DIXDC1: variants seen among roughly 807,000 people sequenced by gnomAD.
DIXDC1 encodes DIX domain containing 1.
DIXDC1 carries 64 observed loss-of-function variants against 103.1 expected under a neutral mutation model. The ratio of observed to expected loss-of-function variants is 0.62; its 90% CI spans 0.51 to 0.76. The LOEUF is 0.76. Ranked by LOEUF, DIXDC1 falls within the 30% of genes least tolerant of loss-of-function variation. The probability of loss-of-function intolerance (pLI) is 0.00; values close to 1 mark genes in which losing one functional copy is unlikely to be tolerated. For missense variants in DIXDC1, 759 were observed against 834.2 expected, an observed-to-expected ratio of 0.91 and a Z score of 1.11; for synonymous variants, 266 against 298.5, an observed-to-expected ratio of 0.89 and a Z score of 1.12.
At chr11:111,975,386 T>C (rs1311948933) in intron 5 of DIXDC1, 1 of 1,036,968 alleles carries the variant, frequency 9.6e-7, no homozygotes. Flanking sequence ...GTAAAGCTCA[T>C]AGAAGAGAAG....
At position 111,954,509 on chromosome 11, in the gene DIXDC1, A is replaced by G. The variant is rs148262376; in HGVS notation, c.61-10040A>G. Reference sequence around the variant, plus strand: ...TACATAACATTACATTGTATTAGCTATTACAAGTAATCTAGAGATGATTTA... The same window carrying G: ...TACATAACATTACATTGTATTAGCTGTTACAAGTAATCTAGAGATGATTTA... On this transcript the variant is annotated intron_variant, in intron 1 of 19. Transcript: ENST00000440460. Among the ~76,000 whole-genome samples, 549 of 152,338 alleles carry G rather than the reference A, an allele frequency of 3.6e-3. 1 individual carries two copies. Among genetic ancestry groups the G allele is most frequent in the Non-Finnish European group, 6.7e-3 (456 of 68,032 alleles).
At chr11:111,986,817 GC>G in intron 8 of DIXDC1, 53 bp from the exon 9 acceptor site, 1 of 1,493,252 alleles carries the variant, frequency 6.7e-7, no homozygotes, top group Non-Finnish European at 9.1e-7. Context: ...TGAATGAGTG[GC>G]TCTGTACTTC....
At chr11:112,002,706 T>C (rs1318432498) in intron 17 of DIXDC1, among the ~76,000 whole-genome samples, 1 of 152,144 alleles carries the variant, frequency 6.6e-6, no homozygotes, top group Admixed American at 6.6e-5. Flanking sequence ...AAGGACAGCT[T>C]TAGCCTGGGA....
chr11:111,952,021 A>G (rs1442383757), intron 1 of DIXDC1, among the ~76,000 whole-genome samples: 3 of 152,044 alleles, frequency 2.0e-5, no homozygotes, highest in East Asian at 1.9e-4. Flanking sequence ...GTGTGCCACC[A>G]CACCTGGCTA....
Position 111,951,511 on chromosome 11 carries a change from C to CA in DIXDC1, c.61-13029dup, listed in dbSNP as rs1198481465. On this transcript the variant is annotated intron_variant, in intron 1 of 19. Transcript: ENST00000440460. ...ATATCTAAACATTATAGAGATGGTG[C>CA]AAAAAAAAACTACAGACTAATATTA... Among the ~76,000 whole-genome samples, 42 of 150,490 alleles carry CA rather than the reference C, an allele frequency of 2.8e-4. 1 individual carries two copies. Among genetic ancestry groups the CA allele is most frequent in the South Asian group, 1.1e-3 (5 of 4,756 alleles).
chr11:111,939,928 A>C (rs1207566486), intron 1 of DIXDC1, among the ~76,000 whole-genome samples: 5 of 152,230 alleles, frequency 3.3e-5, no homozygotes, highest in African/African-American at 1.2e-4. Context: ...GAGTCTACAA[A>C]TACCACACAT....
In DIXDC1 at chr11:111,976,571, A is replaced by T. The variant is rs1242381967; in HGVS notation, c.656+1588A>T. ...GGGAAGGAGAGGGCTTCTTGTGGCT[A>T]TCTGGAACCCAGCAGGTTCCCGCAC... On this transcript the variant is annotated intron_variant, in intron 5 of 19. Transcript: ENST00000440460. The surrounding 1 kb of genome is among the most constrained non-coding windows in gnomAD (Gnocchi z 4.3). 1.3e-5 allele frequency among the ~76,000 whole-genome samples: 2 copies of T among 152,092 alleles called. No homozygotes were observed. The highest frequency in any genetic ancestry group is 2.9e-5 in the Non-Finnish European group (2 of 68,024).
rs1410411236 is a variant in DIXDC1 at position 111,998,484 on chromosome 11, A to G, written c.1756+2338A>G. On this transcript the variant is annotated intron_variant, in intron 17 of 19. Transcript: ENST00000440460. The surrounding 1 kb of genome is among the most constrained non-coding windows in gnomAD (Gnocchi z 4.1). ...GCTTTAACTACACTTGTGTGCCGATAATTTTTATGTTTTATCTCAAATCTC... is the reference window on the plus strand; with the variant it reads ...GCTTTAACTACACTTGTGTGCCGATGATTTTTATGTTTTATCTCAAATCTC... Among the ~76,000 whole-genome samples the G allele has an allele frequency of 5.9e-5, 9 of 152,114 alleles. No homozygotes were observed. Among genetic ancestry groups the G allele is most frequent in the Admixed American group, 3.3e-4 (5 of 15,262 alleles).
rs782803807 is a variant in DIXDC1 at position 111,995,547 on chromosome 11, A to G, written c.1672A>G (p.Lys558Glu). The G allele has an allele frequency of 3.1e-6, 5 of 1,613,900 alleles. No individual in the cohort carries two copies. The highest frequency in any genetic ancestry group is 3.4e-6 in the Non-Finnish European group (4 of 1,179,918). Residue 558 changes from lysine to glutamate, a missense_variant, in exon 16 of 20, where the codon AAG becomes GAG. Coordinates refer to ENST00000440460, the MANE Select transcript of DIXDC1 (RefSeq NM_001037954.4). ...GCGCCTGCATGTTATGGAGACGCAG[A>G]AGAAACAAGAAAGAAAGGTAACCCT... ...MERLHVMETQ[K>E]KQERKVRVKS...
At chr11:111,954,404 G>A (rs587774509) in intron 1 of DIXDC1, among the ~76,000 whole-genome samples, 274 of 152,308 alleles carry the variant, frequency 1.8e-3, no homozygotes, top group African/African-American at 6.4e-3. Context: ...AAATACAGAT[G>A]AAGCTTCACT....
chr11:111,957,750 A>G (rs1859436414), intron 1 of DIXDC1, among the ~76,000 whole-genome samples: 1 of 152,240 alleles, frequency 6.6e-6, no homozygotes, highest in Non-Finnish European at 1.5e-5. Context: ...AGCCTAGTGC[A>G]CTGTGAGATC....
chr11:111,928,576 C>T (rs1555167336), intron 1 of DIXDC1: 1 of 150,524 alleles, frequency 6.6e-6, no homozygotes, highest in African/African-American at 2.4e-5. Flanking sequence ...GCATGCCCAA[C>T]ATGGCGAAAC....
chr11:111,940,410 C>T (rs900758366), intron 1 of DIXDC1, among the ~76,000 whole-genome samples: 16 of 152,164 alleles, frequency 1.1e-4, no homozygotes, highest in African/African-American at 3.4e-4. Flanking sequence ...GCCAGGCTTC[C>T]TATAGATCAC....
At chr11:111,930,984 G>C (rs1436986526) in intron 2 of DIXDC1, among the ~76,000 whole-genome samples, 1 of 151,122 alleles carries the variant, frequency 6.6e-6, no homozygotes, top group Non-Finnish European at 1.5e-5. Flanking sequence ...CTCCCGAGCA[G>C]CTGGGATTAC....
intron 9 of DIXDC1, among the ~76,000 whole-genome samples, chr11:111,988,032 C>T (rs1555174077): frequency 6.6e-6 from 1 of 151,980 alleles, no homozygotes; most frequent in Non-Finnish European, 1.5e-5. Flanking sequence ...CAGAGTCTCA[C>T]TCTGTCACCC....
chr11:111,956,563 C>T (rs1859372364), intron 1 of DIXDC1, among the ~76,000 whole-genome samples: 1 of 152,134 alleles, frequency 6.6e-6, no homozygotes, highest in African/African-American at 2.4e-5. Context: ...AGTTTTGGCT[C>T]ACTACAACCT....
intron 17 of DIXDC1, among the ~76,000 whole-genome samples, chr11:112,011,712 C>T (rs898239327): frequency 2.6e-5 from 4 of 151,692 alleles, no homozygotes; most frequent in African/African-American, 9.7e-5. Context: ...GACCAAAAAC[C>T]AAACACCGCA....
rs901505795 is a variant in DIXDC1, at chr11:112,022,275, A to G, written c.*3239A>G. 1.3e-5 allele frequency: 2 copies of G among 152,206 alleles called. No individual in the cohort carries two copies. The highest frequency in any genetic ancestry group is 1.3e-4 in the Admixed American group (2 of 15,278). 9.4% of individuals were successfully genotyped at this position (152,206 alleles called of 1,614,324 possible). ...AATTAAAATTATTTTCACTGTTTCC[A>G]TAAAATAAGCATTATGATTGCACAC... On this transcript the variant is annotated 3_prime_UTR_variant, in exon 20 of 20. Transcript: ENST00000440460. This position sits in a 1 kb window ranked among gnomAD's most constrained non-coding sequence, Gnocchi z 4.9.
chr11:111,956,568 C>T (rs1215575495), intron 1 of DIXDC1, among the ~76,000 whole-genome samples: 1 of 152,174 alleles, frequency 6.6e-6, no homozygotes, highest in Non-Finnish European at 1.5e-5. Context: ...TGGCTCACTA[C>T]AACCTCCGCC....
Sources: allele counts gnomAD v4.1 joint callset (sites outside exome capture counted in the v4.1 genomes callset), GRCh38; gene constraint gnomAD v4.1.1; non-coding constraint Gnocchi (gnomAD v3.1); transcripts MANE v1.5; gene names NCBI Gene and HGNC (gene_info 2026-07-23, HGNC 2026-07-21).